The following EPHA3 variants were observed in gnomAD, a reference collection of about 807,000 sequenced individuals.
EPHA3 encodes EPH receptor A3, also known as ephrin type-A receptor 3.
Under a neutral mutation model 107.1 loss-of-function variants are expected in EPHA3, and 42 were observed. The observed-to-expected ratio is 0.39, with a 90% CI of 0.31 to 0.51. The LOEUF is 0.51. Among genes scored for constraint, EPHA3 ranks in the 20% least tolerant of loss-of-function variants. The pLI, the probability that EPHA3 is intolerant of heterozygous loss-of-function variation, is 0.78. For synonymous variants in EPHA3, 461 were observed against 424.8 expected, an observed-to-expected ratio of 1.09 and a Z score of -1.05; for missense variants, 1,183 against 1,211.2, an observed-to-expected ratio of 0.98 and a Z score of 0.35.
chr3:89,443,026 C>T (rs971101878), intron 13 of EPHA3, among the ~76,000 whole-genome samples: 3 of 152,062 alleles, frequency 2.0e-5, no homozygotes, highest in African/African-American at 4.8e-5. Context: ...AGATGTATAT[C>T]TCTAGAAGAT....
At chr3:89,236,677 C>T (rs551553019) in intron 3 of EPHA3, among the ~76,000 whole-genome samples, 1 of 151,612 alleles carries the variant, frequency 6.6e-6, no homozygotes, top group South Asian at 2.1e-4. Context: ...CACATGTATA[C>T]ATATGTAACT....
chr3:89,229,398 A>T (rs1293334001), intron 3 of EPHA3, among the ~76,000 whole-genome samples: 1 of 151,918 alleles, frequency 6.6e-6, no homozygotes, highest in African/African-American at 2.4e-5. Context: ...GCTTGCATTT[A>T]TAACAATGAA....
chr3:89,216,212 T>G (rs1472149486), intron 3 of EPHA3, among the ~76,000 whole-genome samples: 1 of 151,946 alleles, frequency 6.6e-6, no homozygotes, highest in Non-Finnish European at 1.5e-5. Context: ...TATGAGCATC[T>G]GAGGCATCAG....
intron 3 of EPHA3, among the ~76,000 whole-genome samples, chr3:89,278,208 C>G (rs1481207090): frequency 6.6e-6 from 1 of 152,066 alleles, no homozygotes; most frequent in South Asian, 2.1e-4. Flanking sequence ...AAGATTTATT[C>G]TTAATCCCAG....
intron 5 of EPHA3, among the ~76,000 whole-genome samples, chr3:89,377,723 C>T (rs1708428346): frequency 6.6e-6 from 1 of 152,062 alleles, no homozygotes; most frequent in African/African-American, 2.4e-5. Flanking sequence ...AAACCACAGA[C>T]TGTGCGATGT....
At chr3:89,404,714 A>C (rs1274749230) in intron 7 of EPHA3, among the ~76,000 whole-genome samples, 3 of 152,198 alleles carry the variant, frequency 2.0e-5, no homozygotes, top group African/African-American at 7.2e-5. Flanking sequence ...AGAGACAGAA[A>C]AAACTGTGGA....
rs569026853 is a variant in EPHA3 at position 89,394,724 on chromosome 3, A to G, written c.1307-1113A>G. Reference sequence around the variant, plus strand: ...GCTAACTTGTGGGAAATACAAATACATGAGGTTCTTATGGTCCTTGATTTG... The same window carrying G: ...GCTAACTTGTGGGAAATACAAATACGTGAGGTTCTTATGGTCCTTGATTTG... On this transcript the variant is annotated intron_variant, in intron 5 of 16. Coordinates refer to ENST00000336596, the MANE Select transcript of EPHA3 (RefSeq NM_005233.6). Among the ~76,000 whole-genome samples the G allele has an allele frequency of 9.2e-5, 14 of 152,362 alleles. No individual in the cohort carries two copies. In the South Asian group the frequency reaches 2.9e-3, roughly 32 times the overall value.
intron 2 of EPHA3, among the ~76,000 whole-genome samples, chr3:89,182,675 A>G (rs1330283505): frequency 6.6e-6 from 1 of 151,924 alleles, no homozygotes; most frequent in Non-Finnish European, 1.5e-5. Context: ...GTGCATAGGC[A>G]TGTGTGTACT....
At chr3:89,223,534 C>T (rs962964460) in intron 3 of EPHA3, among the ~76,000 whole-genome samples, 6 of 152,132 alleles carry the variant, frequency 3.9e-5, no homozygotes, top group African/African-American at 1.4e-4. Flanking sequence ...ATCGTCAGCT[C>T]TATTGGTAGA....
rs559347453 is a variant in EPHA3, at chr3:89,175,295, T to C, written c.154-34565T>C. On this transcript the variant is annotated intron_variant, in intron 2 of 16. Coordinates refer to ENST00000336596, the MANE Select transcript of EPHA3 (RefSeq NM_005233.6). ...TAAGTATAATTTGCTCCGGGAAAATTTGAAACCACTTTAAGTTGGAAAAGT... is the reference window on the plus strand; with the variant it reads ...TAAGTATAATTTGCTCCGGGAAAATCTGAAACCACTTTAAGTTGGAAAAGT... Among the ~76,000 whole-genome samples, 5 of 152,190 alleles carry C rather than the reference T, an allele frequency of 3.3e-5. No individual in the cohort carries two copies. The South Asian group carries it at 1.0e-3, about 31-fold the overall frequency.
At chr3:89,388,592 A>C (rs1576351949) in intron 5 of EPHA3, among the ~76,000 whole-genome samples, 1 of 152,218 alleles carries the variant, frequency 6.6e-6, no homozygotes, top group South Asian at 2.1e-4. Context: ...ACAACTGAAA[A>C]AAAGAATTGT....
At chr3:89,131,761 G>A (rs1704212160) in intron 2 of EPHA3, among the ~76,000 whole-genome samples, 1 of 152,164 alleles carries the variant, frequency 6.6e-6, no homozygotes, top group African/African-American at 2.4e-5. Flanking sequence ...AGTAATTGTG[G>A]AATTAAAGTT....
chr3:89,217,231 G>T (rs1037660116), intron 3 of EPHA3, among the ~76,000 whole-genome samples: 5 of 152,098 alleles, frequency 3.3e-5, no homozygotes, highest in Non-Finnish European at 7.4e-5. Context: ...TGATGAAAGT[G>T]CTCTTAAAGA....
chr3:89,129,004 A>T (rs1473571903), intron 2 of EPHA3, among the ~76,000 whole-genome samples: 2 of 152,124 alleles, frequency 1.3e-5, no homozygotes, highest in Non-Finnish European at 2.9e-5. Flanking sequence ...ACAGGGACAA[A>T]CCAGCAACAT....
At chr3:89,311,821 A>C (rs1401095275) in intron 3 of EPHA3, among the ~76,000 whole-genome samples, 1 of 151,982 alleles carries the variant, frequency 6.6e-6, no homozygotes, top group East Asian at 1.9e-4. Context: ...TTGTATTTTC[A>C]ACACTTCGGA....
At chr3:89,237,625 C>T (rs183655295) in intron 3 of EPHA3, among the ~76,000 whole-genome samples, 2 of 152,054 alleles carry the variant, frequency 1.3e-5, no homozygotes, top group East Asian at 3.9e-4. Flanking sequence ...TAACTTTTAT[C>T]TGTTTTGTTA....
chr3:89,427,140 A>G (rs1225529743), intron 11 of EPHA3, among the ~76,000 whole-genome samples: 1 of 151,922 alleles, frequency 6.6e-6, no homozygotes, highest in Admixed American at 6.6e-5. Context: ...AAAGACATAA[A>G]TCAGTGTCTT....
chr3:89,466,865 C>T (rs114082926), intron 15 of EPHA3, among the ~76,000 whole-genome samples: 3,733 of 149,158 alleles, frequency 0.025, 422 homozygotes, highest in Middle Eastern at 0.063. Flanking sequence ...TCCTGTCTCT[C>T]TTTTTTAATC....
At chr3:89,340,634 C>T (rs1031270616) in intron 3 of EPHA3, among the ~76,000 whole-genome samples, 6 of 152,112 alleles carry the variant, frequency 3.9e-5, no homozygotes, top group Non-Finnish European at 8.8e-5. Context: ...TAGTCCAATG[C>T]CAAGTAAAGC....
Sources: gnomAD v4.1 joint callset for allele counts (sites outside exome capture counted in the v4.1 genomes callset) on GRCh38, gnomAD v4.1.1 for gene constraint, MANE v1.5 for transcripts, NCBI Gene and HGNC (gene_info 2026-07-23, HGNC 2026-07-21) for gene names.